Variants in ZFYVE1 observed in about 807,000 individuals in gnomAD.
ZFYVE1 encodes the protein zinc finger FYVE-type containing 1.
A neutral mutation model predicts 74.4 loss-of-function variants in ZFYVE1; 30 were observed. The observed-to-expected ratio is 0.40, with a 90% confidence interval of 0.30 to 0.55. The LOEUF (loss-of-function observed/expected upper bound fraction) is 0.55. Ranked by LOEUF, ZFYVE1 falls within the 20% of genes least tolerant of loss-of-function variation. The probability of loss-of-function intolerance (pLI) is 0.42; values close to 1 mark genes in which losing one functional copy is unlikely to be tolerated. For missense variants in ZFYVE1, 703 were observed against 1,011.6 expected, an observed-to-expected ratio of 0.69 and a Z score of 4.14; for synonymous variants, 335 against 385.1, an observed-to-expected ratio of 0.87 and a Z score of 1.52.
intron 6 of ZFYVE1, among the ~76,000 whole-genome samples, chr14:72,978,509 G>A (rs1338770212): frequency 1.6e-5 from 2 of 125,700 alleles, no homozygotes; most frequent in Non-Finnish European, 3.1e-5. Flanking sequence ...GGAGGTTGCA[G>A]TAAGCCAAGA....
chr14:73,026,326 C>A (rs1199498044), intron 1 of ZFYVE1, among the ~76,000 whole-genome samples: 1 of 152,148 alleles, frequency 6.6e-6, no homozygotes, highest in African/African-American at 2.4e-5. Context: ...AATTATATTC[C>A]TAATTCCCCC....
In ZFYVE1 at chr14:72,993,134, C is replaced by T; in HGVS notation, c.1203+9G>A. On this transcript the variant is annotated intron_variant, in intron 4 of 11. Coordinates refer to ENST00000556143, the MANE Select transcript of ZFYVE1 (RefSeq NM_021260.4). ...CAATGAGAAGCCCTTGGGGCACAAG[C>T]CAACTGACCTTCAGGGCTTTGAAGA... 6.3e-7 allele frequency: 1 copy of T among 1,587,564 alleles called. No individual in the cohort carries two copies. The highest frequency in any genetic ancestry group is 8.6e-7 in the Non-Finnish European group (1 of 1,164,340).
rs924537862 is a variant in ZFYVE1 at position 72,975,914 on chromosome 14, T to C, written c.1636-193A>G. ...CAAAGTGACCATAAGACTTGATGTGTAGCTGTTCAATTCAGGACTTACTAA... is the reference window on the plus strand; with the variant it reads ...CAAAGTGACCATAAGACTTGATGTGCAGCTGTTCAATTCAGGACTTACTAA... On this transcript the variant is annotated intron_variant, in intron 8 of 11. Transcript: ENST00000556143. This position sits in a 1 kb window ranked among gnomAD's most constrained non-coding sequence, Gnocchi z 4.1. 178 of 626,822 alleles carry C rather than the reference T, an allele frequency of 2.8e-4. 1 individual carries two copies. The highest frequency in any genetic ancestry group is 8.4e-4 in the South Asian group (40 of 47,476). The allele number at this position is 626,822 out of a possible 1,614,324, so 38.8% of individuals were successfully genotyped here.
chr14:73,004,210 C>T (rs1269724443), intron 2 of ZFYVE1, among the ~76,000 whole-genome samples: 1 of 152,158 alleles, frequency 6.6e-6, no homozygotes. Context: ...GCTCTACCGG[C>T]ACGGAGTCAG....
At chr14:72,984,514 G>A (rs1330719500) in intron 4 of ZFYVE1, among the ~76,000 whole-genome samples, 1 of 151,694 alleles carries the variant, frequency 6.6e-6, no homozygotes, top group Admixed American at 6.6e-5. Flanking sequence ...GGGTGACAGG[G>A]TGAGACTCCG....
chr14:72,978,875 C>G lies in ZFYVE1; in HGVS notation c.1405G>C (p.Val469Leu), dbSNP rs1470266997. 1.2e-6 allele frequency: 2 copies of G among 1,614,126 alleles called. No homozygotes were observed. The highest frequency in any genetic ancestry group is 1.1e-5 in the South Asian group (1 of 91,084). ...GGAGGACTCACCTTGCAGGTATACA[C>G]TCGGTTGTCATACTGGTGGGAGTAT... ...CRYSHQYDNR[V>L]YTCKACYERG... Residue 469 changes from valine to leucine, a missense_variant, in exon 6 of 12, where the codon GTG becomes CTG. Val to Leu is a conservative substitution (Grantham distance 32, BLOSUM62 1). Around this residue, in one of 2 missense-constraint regions of ZFYVE1, gnomAD observed 492 missense variants for 790.0 expected, o/e 0.62. Coordinates refer to ENST00000556143, the MANE Select transcript of ZFYVE1 (RefSeq NM_021260.4).
chr14:73,015,288 GGAAGGAAAGA>G, intron 2 of ZFYVE1, among the ~76,000 whole-genome samples: 1 of 79,760 alleles, frequency 1.3e-5, no homozygotes, highest in Admixed American at 1.3e-4. Context: ...AAGGAAGGAA[GGAAGGAAAGA>G]AGGGAGGGAG....
In ZFYVE1 at chr14:72,981,913, T is replaced by TGACA. The variant is rs1893341908; in HGVS notation, c.1204-22_1204-19dup. 1 of 1,611,386 alleles carries TGACA rather than the reference T, an allele frequency of 6.2e-7. No homozygotes were observed. Among genetic ancestry groups the TGACA allele is most frequent in the African/African-American group, 1.3e-5 (1 of 74,810 alleles). On this transcript the variant is annotated intron_variant, in intron 4 of 11. Coordinates refer to ENST00000556143, the MANE Select transcript of ZFYVE1 (RefSeq NM_021260.4). ...CTTAGTGCCTGCCAAGGAGGGAAGG[T>TGACA]GACATATGATGGCACTCAGTAGAGA...
Position 72,998,277 on chromosome 14 carries a change from G to A in ZFYVE1, c.522C>T (p.Cys174=). ...NEEDFIRKLD[C]KPDQHLKVVS... The stretch of plus-strand genomic sequence containing the variant: ...CCACTTTCAGATGCTGATCAGGTTT[G>A]CAGTCCAATTTTCTAATAAAGTCTT... The change falls in exon 3 of 12, where the codon TGC becomes TGT. Residue 174 remains cysteine, a synonymous_variant. Coordinates refer to ENST00000556143, the MANE Select transcript of ZFYVE1 (RefSeq NM_021260.4). 6.4e-7 allele frequency: 1 copy of A among 1,562,254 alleles called. No individual in the cohort carries two copies. The highest frequency in any genetic ancestry group is 1.2e-5 in the South Asian group (1 of 84,654).
At chr14:73,019,884 G>C (rs1417223421) in intron 2 of ZFYVE1, among the ~76,000 whole-genome samples, 9 of 151,860 alleles carry the variant, frequency 5.9e-5, no homozygotes, top group African/African-American at 2.2e-4. Context: ...CCAGGAGACG[G>C]AGGTTGCAGT....
At chr14:73,015,869 G>A (rs1387161993) in intron 2 of ZFYVE1, among the ~76,000 whole-genome samples, 1 of 152,020 alleles carries the variant, frequency 6.6e-6, no homozygotes, top group African/African-American at 2.4e-5. Context: ...GGAGATTGCA[G>A]TGAGCTGAGA....
intron 2 of ZFYVE1, among the ~76,000 whole-genome samples, chr14:73,004,933 T>C (rs1306988605): frequency 6.6e-6 from 1 of 150,856 alleles, no homozygotes; most frequent in Non-Finnish European, 1.5e-5. Flanking sequence ...TGGGGAGAGT[T>C]TGCAGTGAGC....
In ZFYVE1 at chr14:72,974,120, G is replaced by A. The variant is rs1257772491; in HGVS notation, c.2061C>T (p.Asn687=). 10 of 1,614,014 alleles carry A rather than the reference G, an allele frequency of 6.2e-6. No homozygotes were observed. Among genetic ancestry groups the A allele is most frequent in the Non-Finnish European group, 8.5e-6 (10 of 1,180,010 alleles). The change falls in exon 11 of 12, where the codon AAC becomes AAT. Residue 687 remains asparagine, a synonymous_variant. Transcript: ENST00000556143. ...IARKVGEAVQ[N]TLGAVVTAID... Reference sequence around the variant, plus strand: ...TGGCTGTCACCACGGCTCCCAGAGTGTTCTGCACGGCCTCGCCCACCTTCC... The same window carrying A: ...TGGCTGTCACCACGGCTCCCAGAGTATTCTGCACGGCCTCGCCCACCTTCC...
intron 5 of ZFYVE1, among the ~76,000 whole-genome samples, chr14:72,981,212 T>C (rs1439004899): frequency 1.3e-5 from 2 of 152,154 alleles, no homozygotes; most frequent in Admixed American, 6.5e-5. Flanking sequence ...AGGAGCATCT[T>C]AAACATAGCA....
chr14:73,012,971 A>G (rs1004298064), intron 2 of ZFYVE1, among the ~76,000 whole-genome samples: 1 of 152,140 alleles, frequency 6.6e-6, no homozygotes. Context: ...TGAATTCTGG[A>G]TTGCTCAGGA....
intron 2 of ZFYVE1, among the ~76,000 whole-genome samples, chr14:73,020,259 CA>C (rs33955263): frequency 3.8e-5 from 4 of 106,368 alleles, no homozygotes; most frequent in African/African-American, 7.6e-5. Context: ...GACTCCATCT[CA>C]AAAAAAAAAA....
intron 2 of ZFYVE1, among the ~76,000 whole-genome samples, chr14:72,998,528 G>A (rs1893801770): frequency 6.7e-6 from 1 of 149,334 alleles, no homozygotes; most frequent in African/African-American, 2.5e-5. Flanking sequence ...GGCCAAAAGA[G>A]CTAAAACTAT....
intron 4 of ZFYVE1, among the ~76,000 whole-genome samples, chr14:72,982,911 T>C (rs1428594880): frequency 6.6e-6 from 1 of 152,138 alleles, no homozygotes; most frequent in African/African-American, 2.4e-5. Flanking sequence ...TGGCACGATC[T>C]TGGCTCACTA....
chr14:72,988,798 C>T (rs1893542805), intron 4 of ZFYVE1, among the ~76,000 whole-genome samples: 1 of 133,676 alleles, frequency 7.5e-6, no homozygotes, highest in African/African-American at 2.9e-5. Context: ...CAGAGCAAGA[C>T]TCTGTCTCAA....
Sources: gnomAD v4.1 joint callset for allele counts (sites outside exome capture counted in the v4.1 genomes callset) on GRCh38, gnomAD v4.1.1 for gene constraint, gnomAD v4.1.1 regional missense constraint, Gnocchi (gnomAD v3.1) non-coding constraint, MANE v1.5 for transcripts, NCBI Gene and HGNC (gene_info 2026-07-23, HGNC 2026-07-21) for gene names.